CHLSN: variants seen among roughly 807,000 people sequenced by gnomAD.
CHLSN encodes the protein cholesin, also known as protein cholesin.
chr7:1,070,356 G>A, the CHLSN span, among the ~76,000 whole-genome samples: 2 of 133,196 alleles, frequency 1.5e-5, no homozygotes, highest in Admixed American at 7.3e-5. Flanking sequence ...GAGGGAGGTG[G>A]GGGGGTCAGC....
chr7:1,040,300 G>A, the CHLSN span, among the ~76,000 whole-genome samples: 2 of 151,472 alleles, frequency 1.3e-5, no homozygotes, highest in African/African-American at 4.9e-5. Context: ...AGACCAGCCT[G>A]GGCAACACAG....
the CHLSN span, among the ~76,000 whole-genome samples, chr7:1,032,686 C>T: frequency 1.3e-5 from 2 of 152,198 alleles, no homozygotes; most frequent in African/African-American, 2.4e-5. Flanking sequence ...CCGCCCACAC[C>T]GCCAGGCACC....
At chr7:988,559 C>T in the CHLSN span, 1 of 1,597,860 alleles carries the variant, frequency 6.3e-7, no homozygotes, top group Non-Finnish European at 8.5e-7. Context: ...CCTGTGCTCC[C>T]CTGGGGAGGT....
chr7:1,000,069 T>C, the CHLSN span, among the ~76,000 whole-genome samples: 1 of 152,216 alleles, frequency 6.6e-6, no homozygotes, highest in Non-Finnish European at 1.5e-5. Flanking sequence ...TCCCTAAGGT[T>C]ACCCCGTGTT....
chr7:1,124,413 T>C, the CHLSN span, among the ~76,000 whole-genome samples: 1 of 151,756 alleles, frequency 6.6e-6, no homozygotes, highest in South Asian at 2.1e-4. Flanking sequence ...AAGTCGTGTG[T>C]GCCTGAGGCT....
the CHLSN span, among the ~76,000 whole-genome samples, chr7:990,356 C>T: frequency 1.8e-5 from 2 of 110,740 alleles, no homozygotes; most frequent in African/African-American, 3.6e-5. Flanking sequence ...GCGGTGTGGT[C>T]GGCAGTGTGA....
the CHLSN span, among the ~76,000 whole-genome samples, chr7:1,068,327 T>TCA: frequency 6.6e-6 from 1 of 152,026 alleles, no homozygotes; most frequent in Admixed American, 6.5e-5. Flanking sequence ...AAACCACCCC[T>TCA]CAGACCTAGA....
At chr7:1,044,920 C>A in the CHLSN span, among the ~76,000 whole-genome samples, 2 of 152,248 alleles carry the variant, frequency 1.3e-5, no homozygotes, top group East Asian at 1.9e-4. Flanking sequence ...CTGCTGCTGG[C>A]GTAGGCGGCA....
At chr7:1,076,441 G>C in the CHLSN span, among the ~76,000 whole-genome samples, 2 of 152,324 alleles carry the variant, frequency 1.3e-5, no homozygotes, top group African/African-American at 4.8e-5. Context: ...ATGGGCTCTG[G>C]GGAGGAGTTC....
chr7:1,093,954 G>C, the CHLSN span: 5 of 324,748 alleles, frequency 1.5e-5, no homozygotes, highest in Admixed American at 4.0e-5. Context: ...GCCAGCCTCT[G>C]AGTCCGGCCA....
At chr7:1,118,799 C>CAAAAAAA in the CHLSN span, among the ~76,000 whole-genome samples, 12 of 76,242 alleles carry the variant, frequency 1.6e-4, no homozygotes, top group African/African-American at 2.9e-4. Flanking sequence ...CCATCTCTAC[C>CAAAAAAA]AAAAAAAAAA....
At chr7:1,069,360 C>G in the CHLSN span, among the ~76,000 whole-genome samples, 1 of 145,328 alleles carries the variant, frequency 6.9e-6, no homozygotes, top group East Asian at 2.0e-4. Context: ...TCCCTCTCCC[C>G]TCTCCCCTCT....
At chr7:1,116,375 T>C in the CHLSN span, among the ~76,000 whole-genome samples, 1 of 132,718 alleles carries the variant, frequency 7.5e-6, no homozygotes, top group African/African-American at 3.0e-5. Flanking sequence ...TAGGGACAGC[T>C]TCCATCACCG....
the CHLSN span, chr7:1,021,280 T>C: frequency 1.5e-6 from 1 of 662,810 alleles, no homozygotes; most frequent in Non-Finnish European, 1.9e-6. Context: ...ACCTCTAGTG[T>C]GGACCTCCAG....
the CHLSN span, among the ~76,000 whole-genome samples, chr7:1,001,839 G>A: frequency 8.2e-6 from 1 of 122,576 alleles, no homozygotes; most frequent in African/African-American, 3.3e-5. Flanking sequence ...CTGTGGGTGG[G>A]GAGTCCTGTG....
At chr7:994,792 C>T in the CHLSN span, among the ~76,000 whole-genome samples, 1 of 152,240 alleles carries the variant, frequency 6.6e-6, no homozygotes, top group Non-Finnish European at 1.5e-5. Flanking sequence ...ACTTGCATAT[C>T]TACTGCAGGG....
chr7:1,007,959 CT>C, the CHLSN span, among the ~76,000 whole-genome samples: 1 of 152,162 alleles, frequency 6.6e-6, no homozygotes, highest in Admixed American at 6.5e-5. Context: ...ATGGTCCCCC[CT>C]CTCCTGCCCA....
At chr7:1,110,463 C>T in the CHLSN span, among the ~76,000 whole-genome samples, 1 of 152,226 alleles carries the variant, frequency 6.6e-6, no homozygotes, top group Non-Finnish European at 1.5e-5. Context: ...GGAAGGGCCC[C>T]TCAGTGCGAA....
chr7:1,100,880 C>T, the CHLSN span, among the ~76,000 whole-genome samples: 10 of 152,244 alleles, frequency 6.6e-5, no homozygotes, highest in Non-Finnish European at 1.2e-4. Flanking sequence ...GCAAGTCTCC[C>T]GGGAACGGCT....
Sources: allele counts gnomAD v4.1 joint callset (sites outside exome capture counted in the v4.1 genomes callset), GRCh38; gene constraint gnomAD v4.1.1; transcripts MANE v1.5; gene names NCBI Gene and HGNC (gene_info 2026-07-23, HGNC 2026-07-21).